Variants in OPCML observed in about 807,000 individuals in gnomAD.
OPCML encodes opioid-binding protein/cell adhesion molecule.
A neutral mutation model predicts 37.8 loss-of-function variants in OPCML; 13 were observed. The observed-to-expected ratio is 0.34, with a 90% CI of 0.22 to 0.55. The LOEUF (loss-of-function observed/expected upper bound fraction) is 0.55. Ranked by LOEUF, OPCML falls within the 20% of genes least tolerant of loss-of-function variation. The pLI, the probability that OPCML is intolerant of heterozygous loss-of-function variation, is 0.91. For missense variants in OPCML, 341 were observed against 435.6 expected, an observed-to-expected ratio of 0.78 and a Z score of 1.93; for synonymous variants, 176 against 168.8, an observed-to-expected ratio of 1.04 and a Z score of -0.33.
intron 2 of OPCML, among the ~76,000 whole-genome samples, chr11:132,722,246 C>T (rs971512698): frequency 2.9e-5 from 4 of 139,166 alleles, no homozygotes; most frequent in Non-Finnish European, 4.7e-5. Context: ...TGAACCACCA[C>T]GTCCGGCCTA....
At chr11:133,393,113 C>T (rs1057064587) in intron 1 of OPCML, among the ~76,000 whole-genome samples, 18 of 151,208 alleles carry the variant, frequency 1.2e-4, no homozygotes, top group African/African-American at 4.1e-4. Context: ...TCTAAGTCCT[C>T]TCTAGTGTTC....
intron 4 of OPCML, among the ~76,000 whole-genome samples, chr11:132,442,573 A>G (rs1441869543): frequency 6.6e-6 from 1 of 152,134 alleles, no homozygotes; most frequent in Non-Finnish European, 1.5e-5. Context: ...TCTGGGGACA[A>G]TTTTAGGAGG....
chr11:132,975,741 T>C (rs920312708), intron 1 of OPCML, among the ~76,000 whole-genome samples: 6 of 152,004 alleles, frequency 3.9e-5, no homozygotes, highest in African/African-American at 1.4e-4. Flanking sequence ...GTCCACATAG[T>C]AGGCATATCT....
chr11:133,458,581 G>A lies in OPCML; in HGVS notation c.61+73683C>T, dbSNP rs1404487344. On this transcript the variant is annotated intron_variant, in intron 1 of 7. Transcript: ENST00000524381. ...TGTATACACATATATACACGTGTGT[G>A]TACACATATATACACGTGTGTGTGT... Among the ~76,000 whole-genome samples, 16 of 95,756 alleles carry A rather than the reference G, an allele frequency of 1.7e-4. 2 individuals carry two copies. The highest frequency in any genetic ancestry group is 4.5e-4 in the Admixed American group (5 of 11,128). The allele number at this position is 95,756 out of a possible 152,430, so 62.8% of individuals were successfully genotyped here. A position where few individuals can be genotyped will look rare whatever the true frequency, so the allele number is the denominator to read the frequency against.
At chr11:132,820,469 G>A (rs1046789621) in intron 2 of OPCML, among the ~76,000 whole-genome samples, 22 of 152,024 alleles carry the variant, frequency 1.4e-4, no homozygotes, top group Admixed American at 3.3e-4. Flanking sequence ...ATATATTTAT[G>A]TTTGTGTTTA....
At chr11:132,741,000 A>T (rs1458825112) in intron 2 of OPCML, among the ~76,000 whole-genome samples, 1 of 152,190 alleles carries the variant, frequency 6.6e-6, no homozygotes, top group Non-Finnish European at 1.5e-5. Flanking sequence ...GTGAAGCTCA[A>T]AGTTCAAATC....
chr11:132,629,205 T>G (rs2135684577), intron 3 of OPCML, among the ~76,000 whole-genome samples: 1 of 152,252 alleles, frequency 6.6e-6, no homozygotes, highest in East Asian at 1.9e-4. Context: ...TGCCCCTGTT[T>G]CCAAGAATCT....
chr11:132,553,308 C>G (rs1048566005), intron 3 of OPCML, among the ~76,000 whole-genome samples: 2 of 152,194 alleles, frequency 1.3e-5, no homozygotes, highest in African/African-American at 2.4e-5. Context: ...GACTTAGAAT[C>G]ATGTAGGAAA....
In OPCML at chr11:132,430,828, C is replaced by T. The variant is rs189430890; in HGVS notation, c.916+5258G>A. Among the ~76,000 whole-genome samples the T allele has an allele frequency of 2.6e-5, 4 of 152,266 alleles. No individual in the cohort carries two copies. In the South Asian group the frequency reaches 8.3e-4, roughly 32 times the overall value. On this transcript the variant is annotated intron_variant, in intron 7 of 7. Transcript: ENST00000524381. Reference sequence around the variant, plus strand: ...TTCCAGTCATCCAGGCGTTTACATGCCTCATTAAGCACGTCGCACTCTCTG... The same window carrying T: ...TTCCAGTCATCCAGGCGTTTACATGTCTCATTAAGCACGTCGCACTCTCTG...
intron 1 of OPCML, among the ~76,000 whole-genome samples, chr11:133,288,192 C>T (rs959405113): frequency 6.6e-6 from 1 of 152,168 alleles, no homozygotes; most frequent in Non-Finnish European, 1.5e-5. Flanking sequence ...CAGGCTAAGG[C>T]TGGCATGGAG....
At chr11:132,711,038 C>A (rs1944243724) in intron 2 of OPCML, among the ~76,000 whole-genome samples, 1 of 152,088 alleles carries the variant, frequency 6.6e-6, no homozygotes, top group African/African-American at 2.4e-5. Context: ...AGGCTGAATG[C>A]AGGAGACCAA....
At chr11:132,906,398 G>A (rs1040501712) in intron 2 of OPCML, among the ~76,000 whole-genome samples, 1 of 152,192 alleles carries the variant, frequency 6.6e-6, no homozygotes, top group Non-Finnish European at 1.5e-5. Flanking sequence ...AGGGGCCCTT[G>A]CTTCCCTAAG....
chr11:133,082,847 G>A (rs1948755165), intron 1 of OPCML, among the ~76,000 whole-genome samples: 1 of 149,612 alleles, frequency 6.7e-6, no homozygotes, highest in Non-Finnish European at 1.5e-5. Flanking sequence ...CCAGCCTGCA[G>A]GGTGCCGGGG....
At chr11:133,396,343 G>T (rs1327271195) in intron 1 of OPCML, among the ~76,000 whole-genome samples, 1 of 152,020 alleles carries the variant, frequency 6.6e-6, no homozygotes, top group East Asian at 1.9e-4. Flanking sequence ...AGATCAATTT[G>T]ACTTTTTCCT....
chr11:132,935,650 G>A (rs536206340), intron 2 of OPCML, among the ~76,000 whole-genome samples: 1 of 152,138 alleles, frequency 6.6e-6, no homozygotes, highest in Non-Finnish European at 1.5e-5. Flanking sequence ...GTATCTCCAG[G>A]GACCAGCAAG....
At chr11:133,038,453 A>G (rs1428386807) in intron 1 of OPCML, among the ~76,000 whole-genome samples, 1 of 152,238 alleles carries the variant, frequency 6.6e-6, no homozygotes, top group Non-Finnish European at 1.5e-5. Flanking sequence ...GACTATCAGG[A>G]GACCATGGTA....
intron 1 of OPCML, among the ~76,000 whole-genome samples, chr11:133,528,793 T>G (rs76864107): frequency 0.051 from 7,781 of 152,090 alleles, 646 homozygotes; most frequent in African/African-American, 0.18. Flanking sequence ...TCAATCCAGG[T>G]TGGGTAAATG....
At chr11:133,275,197 C>CT (rs917161835) in intron 1 of OPCML, among the ~76,000 whole-genome samples, 1 of 152,016 alleles carries the variant, frequency 6.6e-6, no homozygotes, top group Non-Finnish European at 1.5e-5. Context: ...CTGGAAGATC[C>CT]TTTTTTTCTC....
intron 1 of OPCML, among the ~76,000 whole-genome samples, chr11:133,166,737 C>G (rs561376085): frequency 2.5e-4 from 38 of 152,296 alleles, no homozygotes; most frequent in Non-Finnish European, 5.1e-4. Flanking sequence ...ACTCAAGAGG[C>G]AAGCCAATTT....
Sources: allele counts gnomAD v4.1 joint callset (sites outside exome capture counted in the v4.1 genomes callset), GRCh38; gene constraint gnomAD v4.1.1; transcripts MANE v1.5; gene names NCBI Gene and HGNC (gene_info 2026-07-23, HGNC 2026-07-21).